OR1J2: variants seen among roughly 807,000 people sequenced by gnomAD.
The protein encoded by OR1J2 is olfactory receptor 1J2.
For synonymous variants in OR1J2, 142 were observed against 99.7 expected (o/e 1.42, Z -2.52); for missense variants, 304 against 246.1 (o/e 1.24, Z -1.57).
chr9:122,553,795 C>A, the OR1J2 span: 1 of 1,614,070 alleles, frequency 6.2e-7, no homozygotes, highest in South Asian at 1.1e-5. Context: ...TGCTCAGATA[C>A]CCATGTAAAC....
downstream of OR1J2, among the ~76,000 whole-genome samples, chr9:122,514,449 A>G (rs1190627701): frequency 6.6e-6 from 1 of 152,186 alleles, no homozygotes; most frequent in African/African-American, 2.4e-5. Flanking sequence ...GCTGCAAAGG[A>G]CATGATTTCA....
chr9:122,553,522 T>C, the OR1J2 span: 1 of 1,614,126 alleles, frequency 6.2e-7, no homozygotes, highest in East Asian at 2.2e-5. Flanking sequence ...CTTGCACAGC[T>C]ATATTTCCTC....
chr9:122,477,734 G>A, the OR1J2 span: 1 of 1,614,162 alleles, frequency 6.2e-7, no homozygotes, highest in South Asian at 1.1e-5. Context: ...AGGGCCAAGT[G>A]GCTAAGGAAG....
At chr9:122,557,417 A>T in the OR1J2 span, among the ~76,000 whole-genome samples, 1 of 152,052 alleles carries the variant, frequency 6.6e-6, no homozygotes, top group African/African-American at 2.4e-5. Flanking sequence ...TTAATCATAA[A>T]TGAGTGTTGG....
At chr9:122,526,213 A>G in the OR1J2 span, 1 of 464,080 alleles carries the variant, frequency 2.2e-6, no homozygotes, top group Non-Finnish European at 3.7e-6. Context: ...TGTTATCTCC[A>G]TTTTATAAAT....
chr9:122,555,015 T>G, the OR1J2 span, among the ~76,000 whole-genome samples: 1 of 152,192 alleles, frequency 6.6e-6, no homozygotes, highest in African/African-American at 2.4e-5. Context: ...GTCACAAAGC[T>G]TAACAATGGT....
the OR1J2 span, among the ~76,000 whole-genome samples, chr9:122,480,488 T>C: frequency 6.6e-6 from 1 of 152,148 alleles, no homozygotes; most frequent in South Asian, 2.1e-4. Context: ...TAAGTGCAGG[T>C]TTGTTACGTA....
chr9:122,564,119 G>C, the OR1J2 span, among the ~76,000 whole-genome samples: 2 of 152,118 alleles, frequency 1.3e-5, no homozygotes, highest in Non-Finnish European at 2.9e-5. Flanking sequence ...CTGGACACTG[G>C]CTCTCAACTG....
chr9:122,463,290 T>C, the OR1J2 span, among the ~76,000 whole-genome samples: 5 of 152,216 alleles, frequency 3.3e-5, no homozygotes, highest in Non-Finnish European at 7.3e-5. Context: ...TATTTTTTAT[T>C]TATGCTATCT....
At chr9:122,555,306 A>G in the OR1J2 span, among the ~76,000 whole-genome samples, 8 of 152,260 alleles carry the variant, frequency 5.3e-5, no homozygotes, top group South Asian at 1.0e-3. Context: ...ACTAGCATGC[A>G]TTGCTCTTTG....
chr9:122,564,234 G>A, the OR1J2 span, among the ~76,000 whole-genome samples: 37,183 of 151,994 alleles, frequency 0.24, 4,910 homozygotes, highest in Middle Eastern at 0.35. Context: ...TCCAACTTAC[G>A]GTGTGTCCAC....
the OR1J2 span, among the ~76,000 whole-genome samples, chr9:122,544,739 C>T: frequency 0.44 from 66,633 of 151,980 alleles, 15,726 homozygotes; most frequent in East Asian, 0.87. Flanking sequence ...GACAACCTTG[C>T]TTTCTCTTTC....
the OR1J2 span, among the ~76,000 whole-genome samples, chr9:122,518,892 T>C: frequency 6.6e-6 from 1 of 152,238 alleles, no homozygotes; most frequent in Admixed American, 6.5e-5. Flanking sequence ...AGCTTTCTCT[T>C]TACTGACTAG....
At chr9:122,475,842 T>TA in the OR1J2 span, 1 of 152,200 alleles carries the variant, frequency 6.6e-6, no homozygotes, top group Non-Finnish European at 1.5e-5. Flanking sequence ...TTTGGGAAGT[T>TA]GTTTATATCC....
the OR1J2 span, among the ~76,000 whole-genome samples, chr9:122,454,060 C>T: frequency 6.6e-6 from 1 of 152,226 alleles, no homozygotes; most frequent in Admixed American, 6.5e-5. Flanking sequence ...CTCTCCAAAT[C>T]TCGTACATAA....
At chr9:122,508,722 G>T (rs1256711723), upstream of OR1J2, among the ~76,000 whole-genome samples, 1 of 152,144 alleles carries the variant, frequency 6.6e-6, no homozygotes, top group Non-Finnish European at 1.5e-5. Context: ...AGAATATTTG[G>T]ATATACCTGA....
the OR1J2 span, among the ~76,000 whole-genome samples, chr9:122,532,596 A>G: frequency 6.9e-6 from 1 of 144,744 alleles, no homozygotes; most frequent in Non-Finnish European, 1.5e-5. Context: ...GGAGCTGCGG[A>G]GCAGACTGTA....
At chr9:122,514,664 A>G (rs562529268), downstream of OR1J2, among the ~76,000 whole-genome samples, 199 of 152,290 alleles carry the variant, frequency 1.3e-3, 1 homozygote, top group South Asian at 0.012. Context: ...TTGTATTTCC[A>G]TCATAAAGAG....
chr9:122,459,500 C>T, the OR1J2 span, among the ~76,000 whole-genome samples: 2 of 152,138 alleles, frequency 1.3e-5, no homozygotes, highest in African/African-American at 4.8e-5. Flanking sequence ...TAGCTTTGAT[C>T]CTCTGAAACC....
Sources: allele counts gnomAD v4.1 joint callset (sites outside exome capture counted in the v4.1 genomes callset), GRCh38; gene constraint gnomAD v4.1.1; transcripts MANE v1.5; gene names NCBI Gene and HGNC (gene_info 2026-07-23, HGNC 2026-07-21).